TMPRSS6: variants seen among roughly 807,000 people sequenced by gnomAD.
The protein encoded by TMPRSS6 is transmembrane protease serine 6.
TMPRSS6 carries 67 observed loss-of-function variants against 101.5 expected under a neutral mutation model. The observed-to-expected ratio is 0.66, with a 90% CI of 0.54 to 0.81. The LOEUF is 0.81. TMPRSS6 is among the 30% of genes least tolerant of loss of function. The pLI is 0.00. For missense variants in TMPRSS6, 1,034 were observed against 1,088.7 expected (o/e 0.95, Z 0.71); for synonymous variants, 453 against 464.9 (o/e 0.97, Z 0.33).
At chr22:37,081,409 C>T (rs558078750) in intron 10 of TMPRSS6, among the ~76,000 whole-genome samples, 8 of 152,296 alleles carry the variant, frequency 5.3e-5, no homozygotes, top group Admixed American at 2.6e-4. Flanking sequence ...GACACTTAAG[C>T]GCTTTCCACC....
chr22:37,103,170 C>T lies in TMPRSS6; in HGVS notation c.202+46G>A. 1 of 1,601,934 alleles carries T rather than the reference C, an allele frequency of 6.2e-7. No individual in the cohort carries two copies. The stretch of plus-strand genomic sequence containing the variant: ...TCCTGCTGTGCCTGCTACAGTCACC[C>T]CAAGTCCTCCCCAGGTGCCTCTCCC... On this transcript the variant is annotated intron_variant, in intron 2 of 17. Transcript: ENST00000676104. The surrounding 1 kb of genome is among the most constrained non-coding windows in gnomAD (Gnocchi z 4.4).
upstream of TMPRSS6, among the ~76,000 whole-genome samples, chr22:37,110,533 A>C (rs1335199259): frequency 6.6e-6 from 1 of 152,178 alleles, no homozygotes; most frequent in Non-Finnish European, 1.5e-5. Context: ...AACTGAGAAA[A>C]GCTGCACGGG....
intron 10 of TMPRSS6, among the ~76,000 whole-genome samples, chr22:37,076,773 G>A (rs1318463445): frequency 8.5e-5 from 13 of 152,174 alleles, no homozygotes; most frequent in Admixed American, 7.9e-4. Flanking sequence ...CCTCCACAGA[G>A]CAAATCAGAG....
intron 10 of TMPRSS6, 78 bp downstream of exon 10, chr22:37,084,217 G>A (rs1278351562): frequency 1.6e-6 from 2 of 1,271,844 alleles, no homozygotes. Context: ...GGCTTCCAAT[G>A]AGGGGGTCAC....
Position 37,101,368 on chromosome 22 carries a change from C to A in TMPRSS6, c.202+1848G>T, listed in dbSNP as rs1170318799. On this transcript the variant is annotated intron_variant, in intron 2 of 17. Transcript: ENST00000676104. This position sits in a 1 kb window ranked among gnomAD's most constrained non-coding sequence, Gnocchi z 4.1. ...TGGGAGAGCAGGAAAGGGAAAGGAC[C>A]CAGGAAATATGGTTGGTGGTATTAA... Among the ~76,000 whole-genome samples the A allele has an allele frequency of 1.3e-5, 2 of 151,974 alleles. No homozygotes were observed. The highest frequency in any genetic ancestry group is 4.8e-5 in the African/African-American group (2 of 41,324).
At chr22:37,099,820 C>T (rs1458787104) in intron 2 of TMPRSS6, among the ~76,000 whole-genome samples, 2 of 150,938 alleles carry the variant, frequency 1.3e-5, no homozygotes, top group East Asian at 3.9e-4. Context: ...TCAGGAGCAG[C>T]AAAGAGTGAG....
intron 10 of TMPRSS6, among the ~76,000 whole-genome samples, chr22:37,083,346 C>T (rs1014925422): frequency 1.3e-5 from 2 of 152,172 alleles, no homozygotes; most frequent in African/African-American, 4.8e-5. Context: ...ATGGGAGGGC[C>T]TCCCTCTCCC....
chr22:37,084,136 G>C (rs1190730401), intron 10 of TMPRSS6, 159 bp downstream of exon 10: 1 of 697,856 alleles, frequency 1.4e-6, no homozygotes, highest in East Asian at 2.7e-5. Context: ...ACAAGGTCAA[G>C]GGCAACAGGC....
At position 37,069,359 on chromosome 22, in the gene TMPRSS6, G is replaced by A. The variant is rs1288752226; in HGVS notation, c.1842-15C>T. The A allele has an allele frequency of 2.0e-6, 3 of 1,485,134 alleles. No homozygotes were observed. Among genetic ancestry groups the A allele is most frequent in the African/African-American group, 2.9e-5 (2 of 70,174 alleles). 92.0% of individuals were successfully genotyped at this position (1,485,134 alleles called of 1,614,324 possible). On this transcript the variant is annotated splice_polypyrimidine_tract_variant and intron_variant, in intron 15 of 17. Coordinates refer to ENST00000676104, the MANE Select transcript of TMPRSS6 (RefSeq NM_001374504.1). The surrounding 1 kb of genome is among the most constrained non-coding windows in gnomAD (Gnocchi z 4.8). ...TGGAGGCCATGCTGGGGTGGGGTGG[G>A]GTGGGGTGGGGTGGGGTGAGGTGAG...
intron 6 of TMPRSS6, among the ~76,000 whole-genome samples, chr22:37,094,710 T>A (rs1427544360): frequency 1.3e-5 from 2 of 152,214 alleles, no homozygotes; most frequent in Non-Finnish European, 2.9e-5. Context: ...TTTGACCTCA[T>A]CACCTCCATC....
At position 37,078,908 on chromosome 22, in the gene TMPRSS6, AAAG is replaced by A. The variant is rs1488290646; in HGVS notation, c.1197-3631_1197-3629del. The stretch of plus-strand genomic sequence containing the variant: ...AGGGAAAAGGAGAATAAGGAAGAAG[AAAG>A]AAGAAAGAGAAAGAAGAGGAAGAAG... On this transcript the variant is annotated intron_variant, in intron 10 of 17. Coordinates refer to ENST00000676104, the MANE Select transcript of TMPRSS6 (RefSeq NM_001374504.1). Among the ~76,000 whole-genome samples the A allele has an allele frequency of 2.1e-5, 3 of 144,076 alleles. No individual in the cohort carries two copies. The South Asian group carries it at 6.6e-4, about 32-fold the overall frequency. The allele number at this position is 144,076 out of a possible 152,430, so 94.5% of individuals were successfully genotyped here.
At position 37,103,764 on chromosome 22, in the gene TMPRSS6, A is replaced by C. The variant is rs1930535670; in HGVS notation, c.-1-346T>G. 1 of 644,102 alleles carries C rather than the reference A, an allele frequency of 1.6e-6. No homozygotes were observed. Among genetic ancestry groups the C allele is most frequent in the African/African-American group, 1.8e-5 (1 of 55,468 alleles). 39.9% of individuals were successfully genotyped at this position (644,102 alleles called of 1,614,324 possible). On this transcript the variant is annotated intron_variant, in intron 1 of 17. Coordinates refer to ENST00000676104, the MANE Select transcript of TMPRSS6 (RefSeq NM_001374504.1). The surrounding 1 kb of genome is among the most constrained non-coding windows in gnomAD (Gnocchi z 4.4). ...CTGCACCCACAGACAGAACTGAAGT[A>C]CATGGGGTGCAGACTTCTGTAGACA... is the stretch of plus-strand genomic sequence containing the variant.
At position 37,066,203 on chromosome 22, in the gene TMPRSS6, G is replaced by A. The variant is rs368136786; in HGVS notation, c.2286C>T (p.Leu762=). ...DSGGPLVCKA[L]SGRWFLAGLV... ...GCCCCGCCAGGAACCAGCGGCCACT[G>A]AGTGCCTTGCACACCAGCGGACCAC... The change falls in exon 18 of 18, where the codon CTC becomes CTT. Residue 762 remains leucine (L), a synonymous_variant. Transcript: ENST00000676104. 23 of 1,612,970 alleles carry A rather than the reference G, an allele frequency of 1.4e-5. 1 individual carries two copies. The East Asian group carries it at 2.0e-4, about 14-fold the overall frequency.
chr22:37,091,322 T>C (rs1255116865), intron 6 of TMPRSS6, among the ~76,000 whole-genome samples: 1 of 152,168 alleles, frequency 6.6e-6, no homozygotes, highest in Non-Finnish European at 1.5e-5. Flanking sequence ...TTTCAGTCTG[T>C]TTTCTCTGCT....
rs562645145 is a variant in TMPRSS6, at chr22:37,081,069, T to G, written c.1196+3226A>C. Among the ~76,000 whole-genome samples, 3 of 152,372 alleles carry G rather than the reference T, an allele frequency of 2.0e-5. No homozygotes were observed. The East Asian group carries it at 5.8e-4, about 29-fold the overall frequency. On this transcript the variant is annotated intron_variant, in intron 10 of 17. Transcript: ENST00000676104. ...CTTTGTGCAAATTACTTCATCTCTCTGTGTCTTGGGTGTCTCACTGGTCTG... is the reference window on the plus strand; with the variant it reads ...CTTTGTGCAAATTACTTCATCTCTCGGTGTCTTGGGTGTCTCACTGGTCTG...
At chr22:37,088,663 G>A (rs1168484487) in intron 7 of TMPRSS6, among the ~76,000 whole-genome samples, 1 of 149,836 alleles carries the variant, frequency 6.7e-6, no homozygotes, top group Non-Finnish European at 1.5e-5. Context: ...CATATCTTAT[G>A]CCCTAAAGCC....
Position 37,103,007 on chromosome 22 carries a change from G to A in TMPRSS6, c.202+209C>T, listed in dbSNP as rs1347781212. Among the ~76,000 whole-genome samples the A allele has an allele frequency of 3.9e-5, 6 of 152,102 alleles. No individual in the cohort carries two copies. Among genetic ancestry groups the A allele is most frequent in the Admixed American group, 2.6e-4 (4 of 15,290 alleles). ...CTTTGCCCAAGCAGGAAGCAGACCC[G>A]AGCCATAGGACCTGGAGCCAGGGTC... On this transcript the variant is annotated intron_variant, in intron 2 of 17. Coordinates refer to ENST00000676104, the MANE Select transcript of TMPRSS6 (RefSeq NM_001374504.1). This position sits in a 1 kb window ranked among gnomAD's most constrained non-coding sequence, Gnocchi z 4.4.
chr22:37,095,627 A>T (rs1569020858), intron 5 of TMPRSS6, 35 bp from the exon 6 acceptor site: 1 of 1,510,872 alleles, frequency 6.6e-7, no homozygotes, highest in Admixed American at 2.1e-5. Flanking sequence ...AATAAACAAG[A>T]ACAAAAAAAA....
At chr22:37,098,788 G>A (rs1474793591) in intron 2 of TMPRSS6, among the ~76,000 whole-genome samples, 1 of 152,182 alleles carries the variant, frequency 6.6e-6, no homozygotes, top group Non-Finnish European at 1.5e-5. Context: ...CTCCCAGATG[G>A]ATGGTGTCCT....
Sources: gnomAD v4.1 joint callset for allele counts (sites outside exome capture counted in the v4.1 genomes callset) on GRCh38, gnomAD v4.1.1 for gene constraint, Gnocchi (gnomAD v3.1) non-coding constraint, MANE v1.5 for transcripts, NCBI Gene and HGNC (gene_info 2026-07-23, HGNC 2026-07-21) for gene names.